The following YTHDF1 variants were observed in gnomAD, a reference collection of about 807,000 sequenced individuals.
YTHDF1 encodes the protein YTH domain-containing family protein 1.
Under a neutral mutation model 49.1 loss-of-function variants are expected in YTHDF1, and 16 were observed. That is an observed-to-expected ratio of 0.33 (90% CI 0.22 to 0.49). The LOEUF is 0.49. Ranked by LOEUF, YTHDF1 falls within the 20% of genes least tolerant of loss-of-function variation. The pLI is 0.99. For missense variants in YTHDF1, 621 were observed against 744.3 expected (o/e 0.83, Z 1.93); for synonymous variants, 313 against 290.1 (o/e 1.08, Z -0.80).
rs1323165385 is a variant in YTHDF1 at position 63,196,182 on chromosome 20, C to T, written c.*526G>A. 1.3e-5 allele frequency: 2 copies of T among 149,982 alleles called. No individual in the cohort carries two copies. The highest frequency in any genetic ancestry group is 2.1e-4 in the South Asian group (1 of 4,800). The allele number at this position is 149,982 out of a possible 1,614,324, so 9.3% of individuals were successfully genotyped here. On this transcript the variant is annotated 3_prime_UTR_variant, in exon 5 of 5. Transcript: ENST00000370339. ...GAAAAATTAAAAGTTATCTGTCTAG[C>T]AGAAAAATCAAATGGGTAAATTAGC...
chr20:63,209,314 T>A (rs1299349122), intron 3 of YTHDF1, among the ~76,000 whole-genome samples: 1 of 152,254 alleles, frequency 6.6e-6, no homozygotes, highest in African/African-American at 2.4e-5. Context: ...CTACTATGGC[T>A]TTTTTACTTT....
rs757695071 is a variant in YTHDF1 at position 63,202,564 on chromosome 20, C to T, written c.1376G>A (p.Gly459Asp). 15 of 1,614,140 alleles carry T rather than the reference C, an allele frequency of 9.3e-6. No homozygotes were observed. Among genetic ancestry groups the T allele is most frequent in the Non-Finnish European group, 1.3e-5 (15 of 1,180,062 alleles). ...CTGAGACCAGACCCCGGCACTGGTG[C>T]CGTAGTCCACGGGGGACTTCATCTC... ...VAEMKSPVDYGTSAGVWSQDK... is the reference protein window; with the variant it reads ...VAEMKSPVDYDTSAGVWSQDK... Residue 459 changes from glycine (G) to aspartate (D), a missense_variant, in exon 4 of 5, where the codon GGC becomes GAC. Physicochemically the swap from Gly to Asp is moderately conservative, Grantham distance 94. Around this residue, in one of 2 missense-constraint regions of YTHDF1, gnomAD observed 151 missense variants for 248.5 expected, o/e 0.61. Transcript: ENST00000370339.
rs1178775255 is a variant in YTHDF1, at chr20:63,195,780, G to T, written c.*928C>A. The T allele has an allele frequency of 6.6e-6, 1 of 152,064 alleles. No homozygotes were observed. The highest frequency in any genetic ancestry group is 1.5e-5 in the Non-Finnish European group (1 of 68,004). 9.4% of individuals were successfully genotyped at this position (152,064 alleles called of 1,614,324 possible). A position where few individuals can be genotyped will look rare whatever the true frequency, so the allele number is the denominator to read the frequency against. On this transcript the variant is annotated 3_prime_UTR_variant, in exon 5 of 5. Coordinates refer to ENST00000370339, the MANE Select transcript of YTHDF1 (RefSeq NM_017798.4). ...ACAGCAAATTCATCTTCTAAAAAAA[G>T]TTTTGTTTTGTTTTTACCCATTCAA... is the stretch of plus-strand genomic sequence containing the variant.
chr20:63,211,142 A>G (rs1938693072), intron 3 of YTHDF1, among the ~76,000 whole-genome samples: 1 of 152,128 alleles, frequency 6.6e-6, no homozygotes, highest in Non-Finnish European at 1.5e-5. Context: ...GGCTACTACA[A>G]ACCATATCTA....
chr20:63,207,080 G>A (rs1390170463), intron 3 of YTHDF1, among the ~76,000 whole-genome samples: 2 of 152,236 alleles, frequency 1.3e-5, no homozygotes, highest in African/African-American at 4.8e-5. Flanking sequence ...GCTGCCAAGT[G>A]CTGGAGGCGA....
Position 63,202,374 on chromosome 20 carries a change from A to G in YTHDF1, c.1566T>C (p.Ile522=), listed in dbSNP as rs1463740072. The part of the protein sequence containing the change: ...PLEKAKQVLK[I]ISSYKHTTSI... ...AGGTTGTGTGCTTGTAGGAACTGATAATTTTCAGCACTTGCTTGGCTTTTT... is the reference window on the plus strand; with the variant it reads ...AGGTTGTGTGCTTGTAGGAACTGATGATTTTCAGCACTTGCTTGGCTTTTT... Residue 522 remains isoleucine, a synonymous_variant, in exon 4 of 5, where the codon ATT becomes ATC. Transcript: ENST00000370339. 1.9e-6 allele frequency: 3 copies of G among 1,614,256 alleles called. No individual in the cohort carries two copies. The highest frequency in any genetic ancestry group is 8.5e-7 in the Non-Finnish European group (1 of 1,180,046).
At chr20:63,206,912 T>G (rs1342853376) in intron 3 of YTHDF1, among the ~76,000 whole-genome samples, 1 of 147,362 alleles carries the variant, frequency 6.8e-6, no homozygotes, top group Admixed American at 6.6e-5. Context: ...CCTTCCCTGG[T>G]GAGGGAAGCT....
At chr20:63,208,455 T>G (rs1172103485) in intron 3 of YTHDF1, among the ~76,000 whole-genome samples, 1 of 152,134 alleles carries the variant, frequency 6.6e-6, no homozygotes, top group East Asian at 1.9e-4. Context: ...AAACCCTAAT[T>G]TACTTACTTG....
At chr20:63,196,830 C>A in intron 4 of YTHDF1, 96 bp from the exon 5 acceptor site, 1 of 1,462,978 alleles carries the variant, frequency 6.8e-7, no homozygotes, top group Non-Finnish European at 9.4e-7. Flanking sequence ...GCAGCACCTG[C>A]AAATCTGGAG....
chr20:63,206,019 TG>T lies in YTHDF1; in HGVS notation c.133-2213del, dbSNP rs992147367. Among the ~76,000 whole-genome samples the T allele has an allele frequency of 6.8e-5, 10 of 146,982 alleles. No homozygotes were observed. In the East Asian group the frequency reaches 1.5e-3, roughly 22 times the overall value. ...GCTGCCCTGGCCAACAGGCCCAGAC[TG>T]GGGGGGTGAGCGAATCAGGGGGGCG... On this transcript the variant is annotated intron_variant, in intron 3 of 4. Coordinates refer to ENST00000370339, the MANE Select transcript of YTHDF1 (RefSeq NM_017798.4).
intron 4 of YTHDF1, among the ~76,000 whole-genome samples, chr20:63,200,353 G>C (rs937676858): frequency 2.0e-5 from 3 of 150,224 alleles, no homozygotes; most frequent in Non-Finnish European, 3.0e-5. Context: ...GGTGAGATTG[G>C]CTCAAAAAAA....
chr20:63,199,118 G>A (rs116297438), intron 4 of YTHDF1, among the ~76,000 whole-genome samples: 2 of 152,226 alleles, frequency 1.3e-5, no homozygotes, highest in Non-Finnish European at 2.9e-5. Flanking sequence ...ATAAAGAAAA[G>A]GTGGGTCTGT....
chr20:63,208,188 G>A (rs1377914022), intron 3 of YTHDF1, among the ~76,000 whole-genome samples: 1 of 152,202 alleles, frequency 6.6e-6, no homozygotes, highest in Non-Finnish European at 1.5e-5. Flanking sequence ...AGACTAGAGG[G>A]AGAAGCAGAA....
chr20:63,199,688 G>T (rs763467106), intron 4 of YTHDF1, among the ~76,000 whole-genome samples: 43 of 152,292 alleles, frequency 2.8e-4, no homozygotes, highest in Admixed American at 3.3e-4. Flanking sequence ...CGCAGGCAGG[G>T]AGAGCCAGCA....
chr20:63,198,306 A>C (rs1483138590), intron 4 of YTHDF1, among the ~76,000 whole-genome samples: 1 of 151,744 alleles, frequency 6.6e-6, no homozygotes, highest in Admixed American at 6.6e-5. Flanking sequence ...TTGGCAGGGC[A>C]TGGTGACCGG....
At position 63,204,164 on chromosome 20, in the gene YTHDF1, A is replaced by G. The variant is rs536516459; in HGVS notation, c.133-357T>C. Among the ~76,000 whole-genome samples, 9 of 152,320 alleles carry G rather than the reference A, an allele frequency of 5.9e-5. No homozygotes were observed. The South Asian group carries it at 1.5e-3, about 25-fold the overall frequency. Reference sequence around the variant, plus strand: ...AGTAAACCCCTGCCTGCTGACGACAACGCTTATGACAGACACGGACGGCAT... The same window carrying G: ...AGTAAACCCCTGCCTGCTGACGACAGCGCTTATGACAGACACGGACGGCAT... On this transcript the variant is annotated intron_variant, in intron 3 of 4. Transcript: ENST00000370339.
intron 3 of YTHDF1, among the ~76,000 whole-genome samples, chr20:63,207,556 A>G (rs912190342): frequency 1.3e-5 from 2 of 150,486 alleles, no homozygotes; most frequent in African/African-American, 4.9e-5. Context: ...GGTCCTCGTA[A>G]ATGAGTGGCA....
At chr20:63,199,780 C>T (rs767671244) in intron 4 of YTHDF1, among the ~76,000 whole-genome samples, 10 of 152,142 alleles carry the variant, frequency 6.6e-5, no homozygotes, top group Non-Finnish European at 1.3e-4. Context: ...TATTTGACGC[C>T]GGGCACAGTG....
At position 63,203,768 on chromosome 20, in the gene YTHDF1, T is replaced by C. The variant is rs150094394; in HGVS notation, c.172A>G (p.Ser58Gly). 1.5e-4 allele frequency: 235 copies of C among 1,613,512 alleles called. No individual in the cohort carries two copies. In the African/African-American group the frequency reaches 2.9e-3, roughly 20 times the overall value. ...AATCCAATGGACGGCGGGTAATAGC[T>C]GGACAGGTAGGGGTCGCTCATTGAG... ...YPSMSDPYLS[S>G]YYPPSIGFPY... The change falls in exon 4 of 5, where the codon AGC (serine) becomes GGC (glycine). Residue 58 changes from serine (S) to glycine (G), a missense_variant. Ser to Gly is a moderately conservative substitution (Grantham distance 56). Around this residue, in one of 2 missense-constraint regions of YTHDF1, gnomAD observed 470 missense variants for 495.8 expected, o/e 0.95. Coordinates refer to ENST00000370339, the MANE Select transcript of YTHDF1 (RefSeq NM_017798.4). This position sits in a 1 kb window ranked among gnomAD's most constrained non-coding sequence, Gnocchi z 4.4.
Sources: gnomAD v4.1 joint callset for allele counts (sites outside exome capture counted in the v4.1 genomes callset) on GRCh38, gnomAD v4.1.1 for gene constraint, gnomAD v4.1.1 regional missense constraint, Gnocchi (gnomAD v3.1) non-coding constraint, MANE v1.5 for transcripts, NCBI Gene and HGNC (gene_info 2026-07-23, HGNC 2026-07-21) for gene names.